Variants in RERE observed in about 807,000 individuals in gnomAD.
RERE encodes arginine-glutamic acid dipeptide repeats protein.
A neutral mutation model predicts 146.1 loss-of-function variants in RERE; 40 were observed. That is an observed-to-expected ratio of 0.27 (90% CI 0.21 to 0.36). The LOEUF is 0.36. Among genes scored for constraint, RERE ranks in the 10% least tolerant of loss-of-function variants. The probability of loss-of-function intolerance (pLI) is 1.00; values close to 1 mark genes in which losing one functional copy is unlikely to be tolerated. For missense variants in RERE, 1,933 were observed against 2,138.7 expected, an observed-to-expected ratio of 0.90 and a Z score of 1.90; for synonymous variants, 1,003 against 866.0, an observed-to-expected ratio of 1.16 and a Z score of -2.78.
chr1:8,469,958 A>G (rs1644658457), intron 10 of RERE, among the ~76,000 whole-genome samples: 1 of 148,174 alleles, frequency 6.7e-6, no homozygotes, highest in Non-Finnish European at 1.5e-5. Context: ...AAGTCCTGGC[A>G]TTCCTACTTC....
intron 8 of RERE, among the ~76,000 whole-genome samples, chr1:8,501,479 G>A (rs534051247): frequency 3.9e-5 from 4 of 102,684 alleles, no homozygotes; most frequent in East Asian, 6.2e-4. Context: ...CCCTCTGCCC[G>A]GCCAGCCGCC....
chr1:8,738,706 C>T (rs76174849), intron 1 of RERE, among the ~76,000 whole-genome samples: 2,369 of 152,270 alleles, frequency 0.016, 12 homozygotes, highest in Non-Finnish European at 0.019. Flanking sequence ...ACTCATTTCA[C>T]CTTCACAAAA....
rs1249733114 is a variant in RERE, at chr1:8,353,852, G to C, written c.*1235C>G. On this transcript the variant is annotated 3_prime_UTR_variant, in exon 23 of 23. Coordinates refer to ENST00000400908, the MANE Select transcript of RERE (RefSeq NM_001042681.2). ...CCCCCAACACCTGTCTTAACTCCAGGATCTCCCTTGCTCAAAAGTGGCCTC... is the reference window on the plus strand; with the variant it reads ...CCCCCAACACCTGTCTTAACTCCAGCATCTCCCTTGCTCAAAAGTGGCCTC... 1.3e-5 allele frequency: 2 copies of C among 152,442 alleles called. No individual in the cohort carries two copies. Among genetic ancestry groups the C allele is most frequent in the African/African-American group, 4.8e-5 (2 of 41,392 alleles). The allele number at this position is 152,442 out of a possible 1,614,324, so 9.4% of individuals were successfully genotyped here.
chr1:8,678,949 G>C (rs1009374136), intron 1 of RERE, among the ~76,000 whole-genome samples: 19 of 152,206 alleles, frequency 1.2e-4, no homozygotes, highest in African/African-American at 4.6e-4. Context: ...TATCTACATG[G>C]CTATTTAAAT....
In RERE at chr1:8,557,404, A is replaced by G. The variant is rs112072204; in HGVS notation, c.628+14T>C. ...CTAAGAAACACACAAATCAAACCACAAGGACATATTTACCATTTTCATTAT... is the reference window on the plus strand; with the variant it reads ...CTAAGAAACACACAAATCAAACCACGAGGACATATTTACCATTTTCATTAT... On this transcript the variant is annotated intron_variant, in intron 5 of 22. Transcript: ENST00000400908. 6.8e-7 allele frequency: 1 copy of G among 1,477,076 alleles called. No homozygotes were observed. The highest frequency in any genetic ancestry group is 1.1e-5 in the South Asian group (1 of 88,066). 91.5% of individuals were successfully genotyped at this position (1,477,076 alleles called of 1,614,324 possible). A position where few individuals can be genotyped will look rare whatever the true frequency, so the allele number is the denominator to read the frequency against.
intron 1 of RERE, among the ~76,000 whole-genome samples, chr1:8,769,498 G>C (rs1640905849): frequency 6.6e-6 from 1 of 152,054 alleles, no homozygotes; most frequent in South Asian, 2.1e-4. Flanking sequence ...GGTTTGTTTG[G>C]AGACAGGGTC....
chr1:8,774,947 CTTTCTTTTTTTTTTT>C (rs1204857683), intron 1 of RERE, among the ~76,000 whole-genome samples: 8 of 111,498 alleles, frequency 7.2e-5, no homozygotes, highest in African/African-American at 2.8e-4. Context: ...TTTCTTCTTT[CTTTCTTTTTTTTTTT>C]TTTTTTTTTT....
intron 7 of RERE, among the ~76,000 whole-genome samples, chr1:8,530,246 A>G (rs1458788428): frequency 6.6e-6 from 1 of 152,198 alleles, no homozygotes; most frequent in Admixed American, 6.5e-5. Context: ...AGCACTTCTG[A>G]ATAGACTAAA....
chr1:8,440,488 G>A (rs1200370021), intron 11 of RERE, among the ~76,000 whole-genome samples: 2 of 151,494 alleles, frequency 1.3e-5, no homozygotes, highest in African/African-American at 4.9e-5. Flanking sequence ...CTACTCAGGA[G>A]GCTGAGGCAG....
chr1:8,483,447 C>T (rs1557652515), intron 10 of RERE, among the ~76,000 whole-genome samples: 1 of 152,066 alleles, frequency 6.6e-6, no homozygotes. Flanking sequence ...AATGAACAAA[C>T]AAAAAATCTG....
At chr1:8,696,745 A>C (rs1639339636) in intron 1 of RERE, among the ~76,000 whole-genome samples, 1 of 151,788 alleles carries the variant, frequency 6.6e-6, no homozygotes, top group Non-Finnish European at 1.5e-5. Context: ...CCCCATCTCT[A>C]CTAAAAATAC....
chr1:8,375,023 T>C (rs1157010295), intron 12 of RERE, among the ~76,000 whole-genome samples: 1 of 152,192 alleles, frequency 6.6e-6, no homozygotes, highest in Non-Finnish European at 1.5e-5. Flanking sequence ...CACTCCTACA[T>C]CTTTTCATTC....
At position 8,361,169 on chromosome 1, in the gene RERE, T is replaced by TG; in HGVS notation, c.2337dup (p.Thr780HisfsTer7). On this transcript the variant is annotated frameshift_variant, in exon 18 of 23. Transcript: ENST00000400908. LOFTEE classifies it high-confidence loss of function. ...GGCTGGTTAGGGGCCTGGGAGGCCG[T>TG]GGGGGAGCCCTGTGGGGGAACTGCA... is the stretch of plus-strand genomic sequence containing the variant. 1 of 1,454,592 alleles carries TG rather than the reference T, an allele frequency of 6.9e-7. No homozygotes were observed. Among genetic ancestry groups the TG allele is most frequent in the Non-Finnish European group, 9.0e-7 (1 of 1,109,494 alleles). 90.1% of individuals were successfully genotyped at this position (1,454,592 alleles called of 1,614,324 possible). A position where few individuals can be genotyped will look rare whatever the true frequency, so the allele number is the denominator to read the frequency against.
At chr1:8,450,815 C>T (rs762643802) in intron 11 of RERE, among the ~76,000 whole-genome samples, 7 of 152,206 alleles carry the variant, frequency 4.6e-5, no homozygotes, top group Non-Finnish European at 1.0e-4. Flanking sequence ...ACCAAAGTCT[C>T]TTCCTAGCTA....
intron 12 of RERE, among the ~76,000 whole-genome samples, chr1:8,369,885 G>GT (rs1641967043): frequency 6.6e-6 from 1 of 152,100 alleles, no homozygotes; most frequent in Admixed American, 6.5e-5. Flanking sequence ...CGCCTCCCGG[G>GT]TTCACGCCAT....
chr1:8,624,091 T>C (rs1466687997), intron 3 of RERE, among the ~76,000 whole-genome samples: 2 of 152,214 alleles, frequency 1.3e-5, no homozygotes, highest in Non-Finnish European at 2.9e-5. Context: ...ACTTCAGAAA[T>C]ATTGTTTACA....
intron 4 of RERE, among the ~76,000 whole-genome samples, chr1:8,612,564 A>G (rs1646805010): frequency 6.6e-6 from 1 of 152,246 alleles, no homozygotes; most frequent in Non-Finnish European, 1.5e-5. Context: ...AAAAATAAAT[A>G]CTAATCATTA....
rs570181056 is a variant in RERE, at chr1:8,481,399, C to T, written c.1104+13664G>A. ...AAAGTGCTGGGATTACATGCGTGAC[C>T]CACCGCACCCGGCCCGATTAACCAG... is the stretch of plus-strand genomic sequence containing the variant. On this transcript the variant is annotated intron_variant, in intron 10 of 22. Transcript: ENST00000400908. Among the ~76,000 whole-genome samples the T allele has an allele frequency of 4.6e-5, 7 of 152,254 alleles. No homozygotes were observed. In the South Asian group the frequency reaches 1.5e-3, roughly 32 times the overall value.
At chr1:8,807,505 G>C (rs1013128057) in intron 1 of RERE, among the ~76,000 whole-genome samples, 3 of 152,158 alleles carry the variant, frequency 2.0e-5, no homozygotes, top group African/African-American at 7.2e-5. Context: ...AACCTCATTA[G>C]AGATTTGAAG....
Sources: gnomAD v4.1 joint callset for allele counts (sites outside exome capture counted in the v4.1 genomes callset) on GRCh38, gnomAD v4.1.1 for gene constraint, MANE v1.5 for transcripts, NCBI Gene and HGNC (gene_info 2026-07-23, HGNC 2026-07-21) for gene names.